TRIM2: variants seen among roughly 807,000 people sequenced by gnomAD.
TRIM2 encodes tripartite motif-containing protein 2.
Under a neutral mutation model 75.2 loss-of-function variants are expected in TRIM2, and 20 were observed. The observed-to-expected ratio is 0.27, with a 90% CI of 0.19 to 0.39. The LOEUF (loss-of-function observed/expected upper bound fraction) is 0.39. TRIM2 is among the 10% of genes least tolerant of loss of function. The probability of loss-of-function intolerance (pLI) is 1.00; values close to 1 mark genes in which losing one functional copy is unlikely to be tolerated. For missense variants in TRIM2, 660 were observed against 990.8 expected, an observed-to-expected ratio of 0.67 and a Z score of 4.48; for synonymous variants, 373 against 388.3, an observed-to-expected ratio of 0.96 and a Z score of 0.46.
chr4:153,323,194 T>C (rs1554002504), intron 9 of TRIM2, among the ~76,000 whole-genome samples: 3 of 152,238 alleles, frequency 2.0e-5, no homozygotes, highest in Non-Finnish European at 4.4e-5. Flanking sequence ...GAATTTTTTT[T>C]CACCTTTCTA....
At chr4:153,311,074 A>C (rs899709910) in intron 6 of TRIM2, among the ~76,000 whole-genome samples, 1 of 152,228 alleles carries the variant, frequency 6.6e-6, no homozygotes, top group Non-Finnish European at 1.5e-5. Flanking sequence ...AGCTAAGCAT[A>C]GAGTCTTCCT....
chr4:153,187,929 A>G (rs565364342), intron 1 of TRIM2, among the ~76,000 whole-genome samples: 6 of 152,204 alleles, frequency 3.9e-5, no homozygotes, highest in African/African-American at 1.4e-4. Flanking sequence ...GTCCTATTAT[A>G]TAACCCAAAG....
intron 6 of TRIM2, among the ~76,000 whole-genome samples, chr4:153,300,261 T>G (rs1388682603): frequency 6.6e-6 from 1 of 152,126 alleles, no homozygotes; most frequent in African/African-American, 2.4e-5. Flanking sequence ...TCTTTTGTCT[T>G]TTTTTTGAGA....
intron 1 of TRIM2, among the ~76,000 whole-genome samples, chr4:153,172,215 T>G (rs924680652): frequency 6.6e-6 from 1 of 151,972 alleles, no homozygotes; most frequent in East Asian, 1.9e-4. Flanking sequence ...TGAGACAGAG[T>G]CTTGCTCTTT....
chr4:153,205,366 T>C (rs1280424807), intron 1 of TRIM2, among the ~76,000 whole-genome samples: 1 of 152,106 alleles, frequency 6.6e-6, no homozygotes, highest in Non-Finnish European at 1.5e-5. Context: ...GGCTGGCCCA[T>C]TCGGTGCTCA....
intron 6 of TRIM2, among the ~76,000 whole-genome samples, chr4:153,309,366 T>A (rs963225502): frequency 1.3e-5 from 2 of 152,244 alleles, no homozygotes; most frequent in Non-Finnish European, 2.9e-5. Context: ...GGGATGATAA[T>A]GTTTGTCCTG....
At chr4:153,188,009 A>G (rs747953212) in intron 1 of TRIM2, among the ~76,000 whole-genome samples, 29 of 152,156 alleles carry the variant, frequency 1.9e-4, no homozygotes, top group Non-Finnish European at 2.1e-4. Flanking sequence ...CTACAGGAGG[A>G]GGAAGTAGAA....
chr4:153,335,918 G>C lies in TRIM2; in HGVS notation c.*952G>C. The C allele has an allele frequency of 3.0e-6, 3 of 985,832 alleles. No individual in the cohort carries two copies. The highest frequency in any genetic ancestry group is 2.4e-6 in the Non-Finnish European group (2 of 829,930). The allele number at this position is 985,832 out of a possible 1,614,324, so 61.1% of individuals were successfully genotyped here. ...ATCCTAGGACAGAGAGCCATAAGTA[G>C]CCCTTTGGAGGACTGATGGTGTCAA... is the stretch of plus-strand genomic sequence containing the variant. On this transcript the variant is annotated 3_prime_UTR_variant, in exon 12 of 12. Transcript: ENST00000338700.
In TRIM2 at chr4:153,328,521, T is replaced by G. The variant is rs1395612321; in HGVS notation, c.2023-9T>G. 2 of 1,587,248 alleles carry G rather than the reference T, an allele frequency of 1.3e-6. No individual in the cohort carries two copies. Among genetic ancestry groups the G allele is most frequent in the Non-Finnish European group, 1.7e-6 (2 of 1,170,932 alleles). ...GTAAAACAAAATAATTTAAAAATAT[T>G]TCATACAGGTGTTTAATCAGGAAGG... On this transcript the variant is annotated splice_polypyrimidine_tract_variant and intron_variant, in intron 10 of 11. Transcript: ENST00000338700.
At chr4:153,313,623 G>A (rs1021960361) in intron 6 of TRIM2, among the ~76,000 whole-genome samples, 11 of 144,056 alleles carry the variant, frequency 7.6e-5, no homozygotes, top group Admixed American at 1.4e-4. Context: ...AAATAGCAAT[G>A]GCTCTTTTTT....
intron 1 of TRIM2, among the ~76,000 whole-genome samples, chr4:153,182,775 T>G (rs575589335): frequency 1.2e-4 from 18 of 152,316 alleles, no homozygotes; most frequent in Admixed American, 8.5e-4. Context: ...GCCCCGTCAT[T>G]CCCCTTTTTG....
intron 1 of TRIM2, among the ~76,000 whole-genome samples, chr4:153,243,418 G>A (rs6811617): frequency 0.023 from 3,477 of 152,320 alleles, 106 homozygotes; most frequent in East Asian, 0.079. Flanking sequence ...CTTGACTGTG[G>A]GCTTTGCTTC....
intron 1 of TRIM2, among the ~76,000 whole-genome samples, chr4:153,183,743 G>A (rs1732308426): frequency 6.6e-6 from 1 of 152,198 alleles, no homozygotes. Flanking sequence ...CTGGAGTGCA[G>A]GGGCTTTGCT....
At chr4:153,240,749 A>G (rs763343628) in intron 1 of TRIM2, among the ~76,000 whole-genome samples, 3 of 152,212 alleles carry the variant, frequency 2.0e-5, no homozygotes, top group South Asian at 2.1e-4. Context: ...GCATACCTCA[A>G]TGACTGGAGG....
At chr4:153,298,151 G>A (rs955344487) in intron 6 of TRIM2, among the ~76,000 whole-genome samples, 5 of 152,216 alleles carry the variant, frequency 3.3e-5, no homozygotes, top group African/African-American at 1.2e-4. Flanking sequence ...TGCTGGAAAG[G>A]TGTTGAAATG....
intron 3 of TRIM2, among the ~76,000 whole-genome samples, chr4:153,288,710 C>T (rs1336964242): frequency 8.6e-5 from 13 of 151,672 alleles, no homozygotes; most frequent in Admixed American, 7.2e-4. Context: ...CTGGGACTCT[C>T]ATTAGGTATA....
At chr4:153,246,589 C>T (rs1749211870) in intron 1 of TRIM2, among the ~76,000 whole-genome samples, 2 of 152,218 alleles carry the variant, frequency 1.3e-5, no homozygotes, top group Non-Finnish European at 2.9e-5. Context: ...TGGCTCCTAA[C>T]ACAGTGCCTA....
At chr4:153,167,145 A>G (rs1444881876) in intron 1 of TRIM2, among the ~76,000 whole-genome samples, 3 of 152,246 alleles carry the variant, frequency 2.0e-5, no homozygotes, top group Non-Finnish European at 4.4e-5. Context: ...TGGTGACTCC[A>G]CACTAAAGGT....
intron 6 of TRIM2, chr4:153,308,081 T>C: frequency 2.4e-6 from 2 of 829,496 alleles, no homozygotes; most frequent in Non-Finnish European, 4.3e-6. Flanking sequence ...ACCTATCAAA[T>C]ACTTTCTGGA....
Sources: allele counts gnomAD v4.1 joint callset (sites outside exome capture counted in the v4.1 genomes callset), GRCh38; gene constraint gnomAD v4.1.1; transcripts MANE v1.5; gene names NCBI Gene and HGNC (gene_info 2026-07-23, HGNC 2026-07-21).